Variants in NTRK3 observed in about 807,000 individuals in gnomAD.
NTRK3 encodes neurotrophic receptor tyrosine kinase 3, also known as NT-3 growth factor receptor.
NTRK3 carries 24 observed loss-of-function variants against 91.7 expected under a neutral mutation model. That is an observed-to-expected ratio of 0.26 (90% CI 0.19 to 0.37). The LOEUF is 0.37. Among genes scored for constraint, NTRK3 ranks in the 10% least tolerant of loss-of-function variants. The pLI is 1.00. For synonymous variants in NTRK3, 483 were observed against 404.0 expected (o/e 1.20, Z -2.34); for missense variants, 880 against 1,068.9 (o/e 0.82, Z 2.46).
At chr15:87,968,562 T>G (rs1055169984) in intron 14 of NTRK3, among the ~76,000 whole-genome samples, 15 of 152,224 alleles carry the variant, frequency 9.9e-5, no homozygotes, top group African/African-American at 1.4e-4. Flanking sequence ...ACGAAAGTAT[T>G]GATATCTTCA....
intron 13 of NTRK3, among the ~76,000 whole-genome samples, chr15:88,039,840 G>A (rs1005703790): frequency 6.6e-6 from 1 of 152,178 alleles, no homozygotes; most frequent in East Asian, 1.9e-4. Flanking sequence ...TCCATTGGCT[G>A]GAATGGGACC....
chr15:87,918,676 T>C (rs951349310), intron 17 of NTRK3, among the ~76,000 whole-genome samples: 1 of 152,150 alleles, frequency 6.6e-6, no homozygotes, highest in Non-Finnish European at 1.5e-5. Context: ...ATATTCCCTA[T>C]GAGATTTTTA....
intron 14 of NTRK3, among the ~76,000 whole-genome samples, chr15:88,022,925 A>T (rs1164121154): frequency 1.3e-5 from 2 of 152,234 alleles, no homozygotes; most frequent in African/African-American, 2.4e-5. Flanking sequence ...GATAACCACA[A>T]GGATGGCAGG....
intron 17 of NTRK3, among the ~76,000 whole-genome samples, chr15:87,920,923 A>G (rs1280380068): frequency 6.6e-6 from 1 of 152,192 alleles, no homozygotes; most frequent in Non-Finnish European, 1.5e-5. Flanking sequence ...TAAAATGTGC[A>G]TTAGTGGAAA....
intron 5 of NTRK3, among the ~76,000 whole-genome samples, chr15:88,171,313 A>ATGGCAATACACTGATGAGC (rs936372138): frequency 1.3e-5 from 2 of 152,148 alleles, no homozygotes; most frequent in African/African-American, 4.8e-5. Context: ...CCTCTTGGTA[A>ATGGCAATACACTGATGAGC]TGGCAATACA....
At chr15:87,889,107 T>C (rs1051421554) in intron 17 of NTRK3, among the ~76,000 whole-genome samples, 3 of 152,180 alleles carry the variant, frequency 2.0e-5, no homozygotes, top group African/African-American at 4.8e-5. Flanking sequence ...AGCCAGGATT[T>C]TCCCCTATAA....
At chr15:88,041,848 A>AG (rs59656786) in intron 13 of NTRK3, among the ~76,000 whole-genome samples, 1 of 144,782 alleles carries the variant, frequency 6.9e-6, no homozygotes, top group Non-Finnish European at 1.5e-5. Context: ...AAAAAAAAAA[A>AG]GGGCTTGTCG....
At chr15:88,157,236 C>A (rs1347557049) in intron 5 of NTRK3, among the ~76,000 whole-genome samples, 1 of 152,120 alleles carries the variant, frequency 6.6e-6, no homozygotes, top group Non-Finnish European at 1.5e-5. Context: ...CTCTCACACA[C>A]ACACACCACA....
intron 9 of NTRK3, among the ~76,000 whole-genome samples, chr15:88,135,621 T>A (rs1055891674): frequency 6.6e-6 from 1 of 152,192 alleles, no homozygotes; most frequent in African/African-American, 2.4e-5. Flanking sequence ...TGGGACCTCT[T>A]AGGGGTTTCA....
intron 14 of NTRK3, among the ~76,000 whole-genome samples, chr15:87,976,579 G>A (rs1285884443): frequency 6.6e-6 from 1 of 152,144 alleles, no homozygotes; most frequent in South Asian, 2.1e-4. Context: ...CTCTCCTCCT[G>A]AAAGGAAGAG....
rs192907581 is a variant in NTRK3, at chr15:87,952,083, C to T, written c.1586-11330G>A. 2.0e-3 allele frequency among the ~76,000 whole-genome samples: 306 copies of T among 151,266 alleles called. 1 individual carries two copies. The highest frequency in any genetic ancestry group is 6.7e-3 in the African/African-American group (276 of 41,154). Reference sequence around the variant, plus strand: ...CAGAGGTTGCAGTCAGCCGAGATGGCGCCACCGCACTCCAGGCTGGGCAAC... The same window carrying T: ...CAGAGGTTGCAGTCAGCCGAGATGGTGCCACCGCACTCCAGGCTGGGCAAC... On this transcript the variant is annotated intron_variant, in intron 14 of 18. Coordinates refer to ENST00000394480, the Ensembl canonical transcript of NTRK3.
At chr15:87,973,987 GA>G (rs1049200960) in intron 14 of NTRK3, among the ~76,000 whole-genome samples, 1 of 152,198 alleles carries the variant, frequency 6.6e-6, no homozygotes, top group Non-Finnish European at 1.5e-5. Context: ...GCTCCGTGCA[GA>G]AAGCTACACA....
exon 19 of NTRK3, chr15:87,859,806 TACAGG>T: frequency 5.6e-6 from 1 of 177,784 alleles, no homozygotes; most frequent in Admixed American, 6.3e-5. Context: ...GTCAGGAGGA[TACAGG>T]TCTACACACG....
At chr15:88,080,533 T>C (rs1167239538) in intron 13 of NTRK3, among the ~76,000 whole-genome samples, 1 of 152,268 alleles carries the variant, frequency 6.6e-6, no homozygotes, top group Non-Finnish European at 1.5e-5. Flanking sequence ...TTGTTTATCT[T>C]CTTCATGCTG....
At chr15:87,929,373 G>C (rs2141914763) in exon 17 of NTRK3, 1 of 1,614,148 alleles carries the variant, frequency 6.2e-7, no homozygotes, top group Non-Finnish European at 8.5e-7. Context: ...GAGAGCCCCA[G>C]CTCACCCTTG....
At chr15:87,933,152 C>A (rs769177961) in exon 16 of NTRK3, 4 of 1,614,136 alleles carry the variant, frequency 2.5e-6, no homozygotes, top group Non-Finnish European at 3.4e-6. Flanking sequence ...TCTGGAAATC[C>A]TTCCGGGCAG....
At chr15:87,897,739 C>A (rs945378388) in intron 17 of NTRK3, among the ~76,000 whole-genome samples, 2 of 152,008 alleles carry the variant, frequency 1.3e-5, no homozygotes, top group African/African-American at 4.8e-5. Flanking sequence ...ACTTATTTAG[C>A]CAAAATAAGA....
At chr15:88,137,651 T>C (rs2042004923) in intron 6 of NTRK3, 90 bp from the exon 7 acceptor site, 1 of 1,330,774 alleles carries the variant, frequency 7.5e-7, no homozygotes, top group South Asian at 1.2e-5. Flanking sequence ...GGACCCGACC[T>C]GTTCAGGGAT....
chr15:87,988,052 G>C (rs1303349425), intron 14 of NTRK3, among the ~76,000 whole-genome samples: 3 of 152,144 alleles, frequency 2.0e-5, no homozygotes, highest in African/African-American at 7.2e-5. Context: ...AAAGTATACG[G>C]AAAGAGGGAG....
Sources: allele counts gnomAD v4.1 joint callset (sites outside exome capture counted in the v4.1 genomes callset), GRCh38; gene constraint gnomAD v4.1.1; transcripts MANE v1.5; gene names NCBI Gene and HGNC (gene_info 2026-07-23, HGNC 2026-07-21).